BPIFC: variants seen among roughly 807,000 people sequenced by gnomAD.
The protein encoded by BPIFC is BPI fold-containing family C protein.
Under a neutral mutation model 57.6 loss-of-function variants are expected in BPIFC, and 60 were observed. The observed-to-expected ratio is 1.04, with a 90% confidence interval of 0.85 to 1.29. The LOEUF (loss-of-function observed/expected upper bound fraction) is 1.29, where lower values mean the gene tolerates loss of function less well. Ranked by LOEUF, BPIFC falls within the 50% of genes most tolerant of loss-of-function variation. The pLI is 0.00. For synonymous variants in BPIFC, 243 were observed against 224.5 expected (o/e 1.08, Z -0.74); for missense variants, 581 against 600.5 (o/e 0.97, Z 0.34).
Position 32,453,436 on chromosome 22 carries a change from A to C in BPIFC, c.192T>G (p.Gly64=), listed in dbSNP as rs1185119257. Residue 64 remains glycine (G), a synonymous_variant, in exon 4 of 17, where the codon GGT becomes GGG. Coordinates refer to ENST00000300399, the MANE Select transcript of BPIFC (RefSeq NM_174932.3). ...CTTTTAGAAATTCAAGAGACTCAGA[A>C]CCGCTTAAATCTGGGAGTTTCTTTT... is the stretch of plus-strand genomic sequence containing the variant. ...LKEKKLPDLS[G]SESLEFLKVD... 1 of 1,606,584 alleles carries C rather than the reference A, an allele frequency of 6.2e-7. No individual in the cohort carries two copies. The highest frequency in any genetic ancestry group is 8.5e-7 in the Non-Finnish European group (1 of 1,178,292).
intron 15 of BPIFC, among the ~76,000 whole-genome samples, chr22:32,416,773 G>A (rs986493263): frequency 6.6e-6 from 1 of 152,142 alleles, no homozygotes; most frequent in South Asian, 2.1e-4. Flanking sequence ...TCTCGTTTCC[G>A]GTTGACTGGA....
rs9609545 is a variant in BPIFC at position 32,424,681 on chromosome 22, T to C, written c.1218-5277A>G. Among the ~76,000 whole-genome samples the C allele has an allele frequency of 1.6e-3, 119 of 72,706 alleles. 7 individuals are homozygous for C. The highest frequency in any genetic ancestry group is 7.4e-3 in the African/African-American group (65 of 8,784). 47.7% of individuals were successfully genotyped at this position (72,706 alleles called of 152,430 possible). A position where few individuals can be genotyped will look rare whatever the true frequency, so the allele number is the denominator to read the frequency against. ...CTTCTTCTTCTTCTTCTTCTTCTTCTTCTTCTTCTTCCTCTTCTTCTTCCT... is the reference window on the plus strand; with the variant it reads ...CTTCTTCTTCTTCTTCTTCTTCTTCCTCTTCTTCTTCCTCTTCTTCTTCCT... On this transcript the variant is annotated intron_variant, in intron 13 of 16. Coordinates refer to ENST00000300399, the MANE Select transcript of BPIFC (RefSeq NM_174932.3).
At chr22:32,433,157 C>T (rs753556671) in intron 11 of BPIFC, among the ~76,000 whole-genome samples, 23 of 152,144 alleles carry the variant, frequency 1.5e-4, no homozygotes, top group Non-Finnish European at 2.2e-4. Flanking sequence ...GAGCCAAGAT[C>T]GTGCCACTGC....
chr22:32,424,729 C>T lies in BPIFC; in HGVS notation c.1218-5325G>A, dbSNP rs867042053. Among the ~76,000 whole-genome samples the T allele has an allele frequency of 6.3e-3, 302 of 48,090 alleles. 52 individuals are homozygous for T. Among genetic ancestry groups the T allele is most frequent in the Middle Eastern group, 0.021 (2 of 96 alleles). 31.5% of individuals were successfully genotyped at this position (48,090 alleles called of 152,430 possible). A position where few individuals can be genotyped will look rare whatever the true frequency, so the allele number is the denominator to read the frequency against. On this transcript the variant is annotated intron_variant, in intron 13 of 16. Coordinates refer to ENST00000300399, the MANE Select transcript of BPIFC (RefSeq NM_174932.3). ...CCTCTTCTTCTTCCTCTTCTTCTTC[C>T]TCTTCTTCTTCCTCTTCTTCTTCCT...
intron 13 of BPIFC, among the ~76,000 whole-genome samples, chr22:32,424,705 C>CT (rs1569448142): frequency 4.2e-5 from 2 of 48,056 alleles, no homozygotes; most frequent in Non-Finnish European, 7.2e-5. Flanking sequence ...CTTCTTCTTC[C>CT]TCTTCTTCTT....
At chr22:32,448,809 G>A (rs1304384433) in intron 4 of BPIFC, among the ~76,000 whole-genome samples, 1 of 151,856 alleles carries the variant, frequency 6.6e-6, no homozygotes, top group African/African-American at 2.4e-5. Context: ...GTGGTGGCAT[G>A]TGCCTGTAGT....
In BPIFC at chr22:32,435,775, AC is replaced by A. The variant is rs1569451259; in HGVS notation, c.852del (p.Glu284AspfsTer56). The A allele has an allele frequency of 6.2e-7, 1 of 1,614,156 alleles. No homozygotes were observed. Among genetic ancestry groups the A allele is most frequent in the Non-Finnish European group, 8.5e-7 (1 of 1,180,024 alleles). Reference protein sequence around the residue: ...SNSMLYIGIAEYFFKSASFAH... With the variant: ...SNSMLYIGIAXYFFKSASFAH... ...GCAAAGGACGCAGATTTAAAGAAAT[AC>A]TCGGCGATTCCAATGTAGAGCATGG... is the stretch of plus-strand genomic sequence containing the variant. On this transcript the variant is annotated frameshift_variant, in exon 10 of 17. Transcript: ENST00000300399. LOFTEE classifies it high-confidence loss of function.
chr22:32,419,285 A>G, intron 14 of BPIFC, 77 bp downstream of exon 14: 1 of 1,450,946 alleles, frequency 6.9e-7, no homozygotes, highest in Non-Finnish European at 9.5e-7. Context: ...ACAGAAAACA[A>G]TTAATTCGCT....
At chr22:32,444,698 T>A (rs890519290) in intron 7 of BPIFC, among the ~76,000 whole-genome samples, 3 of 152,214 alleles carry the variant, frequency 2.0e-5, no homozygotes, top group Non-Finnish European at 4.4e-5. Context: ...CTATTGTATG[T>A]CCTGGAAATA....
Position 32,424,708 on chromosome 22 carries a change from T to C in BPIFC, c.1218-5304A>G, listed in dbSNP as rs189783378. On this transcript the variant is annotated intron_variant, in intron 13 of 16. Transcript: ENST00000300399. The stretch of plus-strand genomic sequence containing the variant: ...CTTCTTCTTCCTCTTCTTCTTCCTC[T>C]TCTTCTTCCTCTTCTTCTTCCTCTT... Among the ~76,000 whole-genome samples, 114 of 86,252 alleles carry C rather than the reference T, an allele frequency of 1.3e-3. 6 individuals carry two copies. Among genetic ancestry groups the C allele is most frequent in the Middle Eastern group, 0.011 (2 of 188 alleles). 56.6% of individuals were successfully genotyped at this position (86,252 alleles called of 152,430 possible).
At position 32,431,398 on chromosome 22, in the gene BPIFC, A is replaced by G. The variant is rs1171617714; in HGVS notation, c.1166T>C (p.Val389Ala). 6.3e-7 allele frequency: 1 copy of G among 1,588,414 alleles called. No homozygotes were observed. Among genetic ancestry groups the G allele is most frequent in the African/African-American group, 1.4e-5 (1 of 73,406 alleles). Residue 389 changes from valine (V) to alanine (A), a missense_variant, in exon 13 of 17, where the codon GTT becomes GCT. Val to Ala is a moderately conservative substitution (Grantham distance 64, BLOSUM62 0). Coordinates refer to ENST00000300399, the MANE Select transcript of BPIFC (RefSeq NM_174932.3). The stretch of plus-strand genomic sequence containing the variant: ...TCTTTGTCCCAAAATAACCAGGCCA[A>G]CACTGGTACTAGCAACCTATAGACA... The part of the protein sequence containing the change: ...VSMDFVASTS[V>A]GLVILGQRLV...
At position 32,435,823 on chromosome 22, in the gene BPIFC, C is replaced by T; in HGVS notation, c.805G>A (p.Val269Met). 6.2e-7 allele frequency: 1 copy of T among 1,614,008 alleles called. No individual in the cohort carries two copies. The highest frequency in any genetic ancestry group is 8.5e-7 in the Non-Finnish European group (1 of 1,180,000). Residue 269 changes from valine to methionine, a missense_variant, in exon 10 of 17, where the codon GTG becomes ATG. Val to Met is a conservative substitution (Grantham distance 21, BLOSUM62 1). Transcript: ENST00000300399. The stretch of plus-strand genomic sequence containing the variant: ...ATGGAGTTGCTGCGTTCTGGGAGCA[C>T]AAAAGGAACTGGTGAGAAGGGGGGG... ...TDPPFSPVPF[V>M]LPERSNSMLY...
chr22:32,445,398 A>G (rs574008723), intron 7 of BPIFC, among the ~76,000 whole-genome samples: 22 of 152,130 alleles, frequency 1.4e-4, no homozygotes, highest in African/African-American at 5.3e-4. Context: ...TTAGCCGGGC[A>G]TGGTGGCGGG....
At chr22:32,437,981 AG>A (rs1777203710) in intron 8 of BPIFC, 130 bp from the exon 9 acceptor site, 3 of 569,248 alleles carry the variant, frequency 5.3e-6, no homozygotes, top group Non-Finnish European at 9.0e-6. Flanking sequence ...GCTTTTCAGA[AG>A]TAATACATGT....
At chr22:32,446,135 A>G in intron 5 of BPIFC, 139 bp from the exon 6 acceptor site, 1 of 929,500 alleles carries the variant, frequency 1.1e-6, no homozygotes, top group Non-Finnish European at 1.6e-6. Context: ...TGCACCTACA[A>G]CAGGTAGGAG....
At chr22:32,421,862 A>C (rs757420972) in intron 13 of BPIFC, among the ~76,000 whole-genome samples, 8 of 152,244 alleles carry the variant, frequency 5.3e-5, no homozygotes, top group Non-Finnish European at 1.0e-4. Flanking sequence ...TCGTGGAGTC[A>C]AAATACAAAG....
intron 1 of BPIFC, among the ~76,000 whole-genome samples, chr22:32,463,482 A>C (rs1190171177): frequency 2.0e-5 from 3 of 152,214 alleles, no homozygotes; most frequent in Admixed American, 6.5e-5. Context: ...TCATCCTGAC[A>C]GCTAAGAAAA....
intron 13 of BPIFC, among the ~76,000 whole-genome samples, chr22:32,426,517 G>T (rs1374422421): frequency 6.6e-6 from 1 of 152,194 alleles, no homozygotes; most frequent in Non-Finnish European, 1.5e-5. Flanking sequence ...CCTGAGGTTT[G>T]CTATAACACC....
chr22:32,431,695 A>G (rs929885028), intron 12 of BPIFC, among the ~76,000 whole-genome samples: 1 of 151,594 alleles, frequency 6.6e-6, no homozygotes, highest in Non-Finnish European at 1.5e-5. Context: ...TGTGCGTATG[A>G]CATTTTTGTT....
Sources: allele counts gnomAD v4.1 joint callset (sites outside exome capture counted in the v4.1 genomes callset), GRCh38; gene constraint gnomAD v4.1.1; transcripts MANE v1.5; gene names NCBI Gene and HGNC (gene_info 2026-07-23, HGNC 2026-07-21).